The following OTOP1 variants were observed in gnomAD, a reference collection of about 807,000 sequenced individuals.
OTOP1 encodes the protein proton channel OTOP1.
Under a neutral mutation model 52.9 loss-of-function variants are expected in OTOP1, and 59 were observed. The ratio of observed to expected loss-of-function variants is 1.12; its 90% CI spans 0.91 to 1.39. The LOEUF (loss-of-function observed/expected upper bound fraction) is 1.39. Ranked by LOEUF, OTOP1 falls within the 40% of genes most tolerant of loss-of-function variation. The probability of loss-of-function intolerance (pLI) is 0.00; values close to 1 mark genes in which losing one functional copy is unlikely to be tolerated. For synonymous variants in OTOP1, 317 were observed against 337.7 expected (o/e 0.94, Z 0.67); for missense variants, 761 against 800.9 (o/e 0.95, Z 0.60).
At chr4:4,213,198 A>C (rs772669452) in intron 1 of OTOP1, among the ~76,000 whole-genome samples, 194 bp from the exon 2 acceptor site, 1 of 152,260 alleles carries the variant, frequency 6.6e-6, no homozygotes, top group East Asian at 1.9e-4. Context: ...CTGGATGTCC[A>C]CATGCAAACG....
At chr4:4,203,387 G>C (rs544826019) in intron 3 of OTOP1, among the ~76,000 whole-genome samples, 10 of 152,330 alleles carry the variant, frequency 6.6e-5, no homozygotes. Context: ...GGGAGATCCA[G>C]ATAGACTCAA....
intron 4 of OTOP1, 36 bp downstream of exon 4, chr4:4,202,412 A>G: frequency 6.2e-7 from 1 of 1,611,216 alleles, no homozygotes; most frequent in East Asian, 2.2e-5. Context: ...ACATTCCAAC[A>G]TGGCAGAAGG....
intron 2 of OTOP1, among the ~76,000 whole-genome samples, chr4:4,208,183 T>A (rs1716949741): frequency 6.6e-6 from 1 of 152,170 alleles, no homozygotes; most frequent in Admixed American, 6.5e-5. Flanking sequence ...ATTGTGAGGG[T>A]GAAATTCAAC....
intron 1 of OTOP1, among the ~76,000 whole-genome samples, chr4:4,221,936 T>G (rs1167544568): frequency 6.6e-6 from 1 of 152,130 alleles, no homozygotes; most frequent in Non-Finnish European, 1.5e-5. Flanking sequence ...TTTAGAATGC[T>G]TTTCTTTATA....
intron 2 of OTOP1, among the ~76,000 whole-genome samples, chr4:4,210,214 C>T (rs558215457): frequency 9.3e-5 from 14 of 150,466 alleles, no homozygotes; most frequent in Non-Finnish European, 1.6e-4. Context: ...AATGAATGAA[C>T]GAACGCAGTT....
intron 1 of OTOP1, among the ~76,000 whole-genome samples, chr4:4,218,655 C>T (rs1318151666): frequency 2.0e-5 from 3 of 152,088 alleles, no homozygotes; most frequent in African/African-American, 2.4e-5. Flanking sequence ...CAGCTGAGCA[C>T]GGTGACTCAC....
Position 4,197,679 on chromosome 4 carries a change from C to G in OTOP1, c.1155G>C (p.Pro385=). Residue 385 remains proline (P), a synonymous_variant, in exon 5 of 6, where the codon CCG becomes CCC. Transcript: ENST00000296358. The stretch of plus-strand genomic sequence containing the variant: ...AGAGGTCCGAGTCCAGTTTGCGGGC[C>G]GGATTTTTGGACTCATCCAGTGACT... ...DEKSLDESKN[P]ARKLDSDLLV... 2 of 1,613,580 alleles carry G rather than the reference C, an allele frequency of 1.2e-6. No individual in the cohort carries two copies. The highest frequency in any genetic ancestry group is 1.7e-6 in the Non-Finnish European group (2 of 1,179,970).
chr4:4,224,454 A>T (rs1212443110), intron 1 of OTOP1, among the ~76,000 whole-genome samples: 2 of 151,874 alleles, frequency 1.3e-5, no homozygotes, highest in African/African-American at 4.8e-5. Flanking sequence ...AGAAGGGAGA[A>T]AAAAGGATGG....
In OTOP1 at chr4:4,197,693, C is replaced by T; in HGVS notation, c.1141G>A (p.Glu381Lys). The T allele has an allele frequency of 3.1e-6, 5 of 1,613,808 alleles. No individual in the cohort carries two copies. Among genetic ancestry groups the T allele is most frequent in the South Asian group, 1.1e-5 (1 of 91,024 alleles). ...IYRIDEKSLDESKNPARKLDS... is the reference protein window; with the variant it reads ...IYRIDEKSLDKSKNPARKLDS... Reference sequence around the variant, plus strand: ...AGTTTGCGGGCCGGATTTTTGGACTCATCCAGTGACTTCTCGTCTATCCTG... The same window carrying T: ...AGTTTGCGGGCCGGATTTTTGGACTTATCCAGTGACTTCTCGTCTATCCTG... Residue 381 changes from glutamate to lysine, a missense_variant, in exon 5 of 6, where the codon GAG becomes AAG. Physicochemically the swap from Glu to Lys is moderately conservative, Grantham distance 56 (BLOSUM62 1). This residue lies in a region of OTOP1 where 632 missense variants were observed against 619.5 expected (regional missense o/e 1.02). Coordinates refer to ENST00000296358, the MANE Select transcript of OTOP1 (RefSeq NM_177998.3).
intron 1 of OTOP1, among the ~76,000 whole-genome samples, chr4:4,220,105 ATTT>A (rs1183792130): frequency 8.6e-4 from 51 of 59,390 alleles, no homozygotes; most frequent in Non-Finnish European, 1.5e-3. Flanking sequence ...ATATATATAT[ATTT>A]TTTTTTTTTT....
At position 4,197,327 on chromosome 4, in the gene OTOP1, C is replaced by T. The variant is rs536856664; in HGVS notation, c.1507G>A (p.Val503Met). The change falls in exon 5 of 6, where the codon GTG (valine) becomes ATG (methionine). Residue 503 changes from valine to methionine, a missense_variant. Physicochemically the swap from Val to Met is conservative, Grantham distance 21. Coordinates refer to ENST00000296358, the MANE Select transcript of OTOP1 (RefSeq NM_177998.3). ...KDMPPAANGNVCMRESHDKEE... is the reference protein window; with the variant it reads ...KDMPPAANGNMCMRESHDKEE... ...TTGTCATGGCTTTCTCTCATGCACA[C>T]ATTTCCATTGGCTGCTGGTGGCATG... 27 of 1,614,160 alleles carry T rather than the reference C, an allele frequency of 1.7e-5. No individual in the cohort carries two copies. The South Asian group carries it at 3.0e-4, about 18-fold the overall frequency.
At chr4:4,200,021 A>T (rs1246831878) in intron 4 of OTOP1, among the ~76,000 whole-genome samples, 4 of 152,184 alleles carry the variant, frequency 2.6e-5, no homozygotes, top group Non-Finnish European at 5.9e-5. Flanking sequence ...CTCTTGTCGA[A>T]GGTTGCAATA....
At position 4,197,862 on chromosome 4, in the gene OTOP1, G is replaced by A. The variant is rs201899544; in HGVS notation, c.972C>T (p.Ala324=). ...GAVLGLTVLA[A]TIAVVVVYLI... is the part of the protein sequence containing the mutation. ...GGTATACCACCACCACAGCAATGGT[G>A]GCGGCCAGCACGGTCAGGCCCAGGA... The change falls in exon 5 of 6, where the codon GCC becomes GCT. Residue 324 remains alanine (A), a synonymous_variant. Coordinates refer to ENST00000296358, the MANE Select transcript of OTOP1 (RefSeq NM_177998.3). The A allele has an allele frequency of 7.8e-4, 1,253 of 1,613,938 alleles. 7 individuals are homozygous for A. Among genetic ancestry groups the A allele is most frequent in the Non-Finnish European group, 4.6e-4 (539 of 1,180,016 alleles).
intron 2 of OTOP1, among the ~76,000 whole-genome samples, chr4:4,207,380 C>A (rs1337288872): frequency 1.3e-5 from 2 of 152,120 alleles, no homozygotes; most frequent in South Asian, 4.1e-4. Flanking sequence ...AAATTCTACA[C>A]CCACACACTT....
At chr4:4,220,120 G>C (rs185503146) in intron 1 of OTOP1, among the ~76,000 whole-genome samples, 9 of 57,398 alleles carry the variant, frequency 1.6e-4, no homozygotes, top group Admixed American at 7.5e-4. Flanking sequence ...TTTTTTTTTT[G>C]AGATGGAGTT....
At chr4:4,195,785 C>T (rs916218259) in intron 5 of OTOP1, among the ~76,000 whole-genome samples, 1 of 152,228 alleles carries the variant, frequency 6.6e-6, no homozygotes, top group Non-Finnish European at 1.5e-5. Flanking sequence ...CCACTACTCA[C>T]TGAAGTCCTT....
rs574485706 is a variant in OTOP1, at chr4:4,189,049, G to T, written c.1669-76C>A. 92 of 1,422,044 alleles carry T rather than the reference G, an allele frequency of 6.5e-5. No individual in the cohort carries two copies. The African/African-American group carries it at 1.1e-3, about 18-fold the overall frequency. 88.1% of individuals were successfully genotyped at this position (1,422,044 alleles called of 1,614,324 possible). A position where few individuals can be genotyped will look rare whatever the true frequency, so the allele number is the denominator to read the frequency against. On this transcript the variant is annotated intron_variant, in intron 5 of 5. Coordinates refer to ENST00000296358, the MANE Select transcript of OTOP1 (RefSeq NM_177998.3). ...CACGGAGGCCCCACTCAAGTCCCAG[G>T]CCTCATGGGAGCTGAACCTAATGCA... is the stretch of plus-strand genomic sequence containing the variant.
In OTOP1 at chr4:4,197,976, G is replaced by T; in HGVS notation, c.858C>A (p.Tyr286Ter). The T allele has an allele frequency of 6.2e-7, 1 of 1,614,086 alleles. No homozygotes were observed. The highest frequency in any genetic ancestry group is 8.5e-7 in the Non-Finnish European group (1 of 1,180,018). Reference sequence around the variant, plus strand: ...TGCGCCCGATGTTCTTCCACAGGACGTAGAGCATTGTGGAGGCCAGGATCT... The same window carrying T: ...TGCGCCCGATGTTCTTCCACAGGACTTAGAGCATTGTGGAGGCCAGGATCT... ...EYQILASTML[Y>*]VLWKNIGRKV... Residue 286 changes from tyrosine (Y) to a stop codon, truncating the protein, a stop_gained, in exon 5 of 6, where the codon TAC becomes TAA. Transcript: ENST00000296358. LOFTEE classifies it high-confidence loss of function.
chr4:4,188,797 C>T lies in OTOP1; in HGVS notation c.*6G>A, dbSNP rs753665250. 1.9e-6 allele frequency: 3 copies of T among 1,608,722 alleles called. No individual in the cohort carries two copies. The highest frequency in any genetic ancestry group is 2.2e-5 in the East Asian group (1 of 44,788). ...AGCTCACTCCTAGGTCTCTTGTGGA[C>T]CCAGACTATATCTTACAATAGACCT... is the stretch of plus-strand genomic sequence containing the variant. On this transcript the variant is annotated 3_prime_UTR_variant, in exon 6 of 6. Transcript: ENST00000296358.
Sources: allele counts gnomAD v4.1 joint callset (sites outside exome capture counted in the v4.1 genomes callset), GRCh38; gene constraint gnomAD v4.1.1; regional missense constraint gnomAD v4.1.1; transcripts MANE v1.5; gene names NCBI Gene and HGNC (gene_info 2026-07-23, HGNC 2026-07-21).